RNF130: variants seen among roughly 807,000 people sequenced by gnomAD.
The protein encoded by RNF130 is E3 ubiquitin-protein ligase RNF130.
Under a neutral mutation model 44.6 loss-of-function variants are expected in RNF130, and 21 were observed. The ratio of observed to expected loss-of-function variants is 0.47; its 90% CI spans 0.33 to 0.68. RNF130 has a LOEUF of 0.68. Ranked by LOEUF, RNF130 falls within the 30% of genes least tolerant of loss-of-function variation. RNF130 has a pLI of 0.02. For missense variants in RNF130, 479 were observed against 560.6 expected (o/e 0.85, Z 1.47); for synonymous variants, 214 against 210.4 (o/e 1.02, Z -0.15).
intron 3 of RNF130, among the ~76,000 whole-genome samples, chr5:180,010,080 T>C (rs1472521227): frequency 1.3e-5 from 2 of 151,722 alleles, no homozygotes; most frequent in African/African-American, 4.8e-5. Flanking sequence ...ACCCCATCTC[T>C]ACTAAAAATA....
chr5:179,989,746 A>G (rs1763037261), intron 3 of RNF130, among the ~76,000 whole-genome samples: 1 of 152,164 alleles, frequency 6.6e-6, no homozygotes, highest in Admixed American at 6.5e-5. Flanking sequence ...GATATATGAC[A>G]TCTTGTTACT....
At chr5:179,930,183 G>A (rs1257297639) in intron 7 of RNF130, among the ~76,000 whole-genome samples, 1 of 151,908 alleles carries the variant, frequency 6.6e-6, no homozygotes, top group African/African-American at 2.4e-5. Flanking sequence ...TCAGCCTCCC[G>A]AGTAGCTGGG....
intron 3 of RNF130, among the ~76,000 whole-genome samples, chr5:180,010,340 T>C (rs1193108839): frequency 6.6e-6 from 1 of 151,424 alleles, no homozygotes; most frequent in Non-Finnish European, 1.5e-5. Flanking sequence ...ACATACTATA[T>C]GATTCCACCT....
exon 8 of RNF130, chr5:179,913,369 T>A (rs1476207425): frequency 6.6e-6 from 1 of 151,702 alleles, no homozygotes; most frequent in Non-Finnish European, 1.5e-5. Flanking sequence ...TTTTTTTTTT[T>A]CTTTTCCATA....
intron 1 of RNF130, among the ~76,000 whole-genome samples, chr5:180,067,054 A>G (rs1765124632): frequency 6.6e-6 from 1 of 152,128 alleles, no homozygotes; most frequent in Admixed American, 6.5e-5. Flanking sequence ...GACATGTCTT[A>G]CCAATTTACA....
chr5:179,971,620 C>T (rs532283716), intron 5 of RNF130, among the ~76,000 whole-genome samples: 7 of 152,198 alleles, frequency 4.6e-5, no homozygotes, highest in South Asian at 2.1e-4. Flanking sequence ...CCGCCCGCCT[C>T]GGCCTCCCAA....
chr5:180,067,894 G>C (rs572653625), intron 1 of RNF130, among the ~76,000 whole-genome samples: 8 of 152,092 alleles, frequency 5.3e-5, no homozygotes, highest in Admixed American at 5.2e-4. Context: ...TCTAAAAACC[G>C]ATTTCAGATT....
intron 3 of RNF130, among the ~76,000 whole-genome samples, chr5:180,004,780 ACT>A (rs1213100928): frequency 7.2e-5 from 11 of 152,312 alleles, no homozygotes; most frequent in Non-Finnish European, 1.0e-4. Context: ...GGCAATCAGA[ACT>A]CTCTCACAGA....
intron 7 of RNF130, among the ~76,000 whole-genome samples, chr5:179,943,180 G>C (rs544421419): frequency 6.6e-6 from 1 of 152,182 alleles, no homozygotes; most frequent in Non-Finnish European, 1.5e-5. Flanking sequence ...GGGACAGAGC[G>C]AGACACTGTC....
In RNF130 at chr5:179,981,485, T is replaced by C. The variant is rs563490203; in HGVS notation, c.694-1285A>G. Reference sequence around the variant, plus strand: ...CACAAAAGAACAGAGAATGATTTAATAAAGCCTTCCCTATGTATCTAACAT... The same window carrying C: ...CACAAAAGAACAGAGAATGATTTAACAAAGCCTTCCCTATGTATCTAACAT... On this transcript the variant is annotated intron_variant, in intron 3 of 8. Coordinates refer to ENST00000521389, the MANE Select transcript of RNF130 (RefSeq NM_018434.6). 7.9e-5 allele frequency among the ~76,000 whole-genome samples: 12 copies of C among 152,350 alleles called. No homozygotes were observed. The East Asian group carries it at 2.1e-3, about 27-fold the overall frequency.
intron 1 of RNF130, among the ~76,000 whole-genome samples, chr5:180,064,787 G>C (rs1458263728): frequency 1.3e-5 from 2 of 152,092 alleles, no homozygotes; most frequent in Admixed American, 1.3e-4. Context: ...TTTCTGCTCT[G>C]TAACTAGAAT....
At chr5:179,954,430 A>G (rs1280956463), downstream of RNF130, among the ~76,000 whole-genome samples, 1 of 152,232 alleles carries the variant, frequency 6.6e-6, no homozygotes, top group Non-Finnish European at 1.5e-5. Flanking sequence ...TACAACATGT[A>G]TGAACCGTGA....
At chr5:180,052,130 G>T (rs1310134096) in intron 1 of RNF130, among the ~76,000 whole-genome samples, 2 of 151,816 alleles carry the variant, frequency 1.3e-5, no homozygotes, top group Non-Finnish European at 2.9e-5. Context: ...CCTCGCCAAG[G>T]TCTGTCCCAG....
chr5:179,982,102 A>T (rs1035103939), intron 3 of RNF130, among the ~76,000 whole-genome samples: 1 of 152,044 alleles, frequency 6.6e-6, no homozygotes, highest in African/African-American at 2.4e-5. Flanking sequence ...TTTTTGCTGT[A>T]ACAGTCTGCA....
chr5:179,955,665 C>A lies in RNF130; in HGVS notation c.1249G>T (p.Glu417Ter). The change falls in exon 9 of 9, where the codon GAA becomes TAA. Residue 417 changes from glutamate to a stop codon, truncating the protein, a stop_gained. Transcript: ENST00000521389. LOFTEE classifies it high-confidence loss of function. ...ATASLNANEV[E>*]WF ...AGGTTTTTTCTTCTTCAAAACCATTCTACCCTATGGAATAAAAGGAAAAAA... is the reference window on the plus strand; with the variant it reads ...AGGTTTTTTCTTCTTCAAAACCATTATACCCTATGGAATAAAAGGAAAAAA... The A allele has an allele frequency of 6.3e-7, 1 of 1,583,902 alleles. No individual in the cohort carries two copies. Among genetic ancestry groups the A allele is most frequent in the Admixed American group, 1.8e-5 (1 of 54,318 alleles).
chr5:180,019,550 TAATGA>T (rs1178473363), intron 2 of RNF130, among the ~76,000 whole-genome samples: 2 of 152,204 alleles, frequency 1.3e-5, no homozygotes, highest in African/African-American at 4.8e-5. Flanking sequence ...TCCACTGACT[TAATGA>T]AAGTCCTTCT....
At chr5:179,999,663 G>A (rs1350135526) in intron 3 of RNF130, among the ~76,000 whole-genome samples, 1 of 152,150 alleles carries the variant, frequency 6.6e-6, no homozygotes, top group Non-Finnish European at 1.5e-5. Flanking sequence ...GTTGCAGTGA[G>A]CCAAGATTGC....
intron 1 of RNF130, among the ~76,000 whole-genome samples, chr5:180,053,823 TTC>T (rs200965887): frequency 5.3e-4 from 48 of 90,966 alleles, no homozygotes; most frequent in East Asian, 9.4e-4. Flanking sequence ...AGCAAATACA[TTC>T]TTTTTTTTTT....
At chr5:179,991,322 G>A (rs1221164462) in intron 3 of RNF130, among the ~76,000 whole-genome samples, 2 of 152,184 alleles carry the variant, frequency 1.3e-5, no homozygotes, top group Non-Finnish European at 2.9e-5. Context: ...ATGTCATGGT[G>A]AAGTCCTTTT....
Sources: gnomAD v4.1 joint callset for allele counts (sites outside exome capture counted in the v4.1 genomes callset) on GRCh38, gnomAD v4.1.1 for gene constraint, MANE v1.5 for transcripts, NCBI Gene and HGNC (gene_info 2026-07-23, HGNC 2026-07-21) for gene names.